ATP6V1C2: variants seen among roughly 807,000 people sequenced by gnomAD.
ATP6V1C2 encodes the protein V-type proton ATPase subunit C 2.
Under a neutral mutation model 56.8 loss-of-function variants are expected in ATP6V1C2, and 45 were observed. That is an observed-to-expected ratio of 0.79 (90% CI 0.62 to 1.02). The LOEUF is 1.02. ATP6V1C2 is among the 50% of genes least tolerant of loss of function. The pLI, the probability that ATP6V1C2 is intolerant of heterozygous loss-of-function variation, is 0.00. For missense variants in ATP6V1C2, 463 were observed against 519.7 expected (o/e 0.89, Z 1.06); for synonymous variants, 220 against 201.3 (o/e 1.09, Z -0.79).
intron 3 of ATP6V1C2, among the ~76,000 whole-genome samples, chr2:10,743,167 A>G (rs974460673): frequency 6.6e-6 from 1 of 152,096 alleles, no homozygotes; most frequent in Non-Finnish European, 1.5e-5. Flanking sequence ...CCCAGGCTGG[A>G]CTGCAGTGAT....
intron 5 of ATP6V1C2, 139 bp from the exon 6 acceptor site, chr2:10,768,580 T>C: frequency 1.4e-6 from 1 of 698,116 alleles, no homozygotes. Flanking sequence ...CAAATGCTGG[T>C]AAACAGAAGC....
At chr2:10,773,091 T>C (rs1293771639) in intron 8 of ATP6V1C2, among the ~76,000 whole-genome samples, 1 of 152,156 alleles carries the variant, frequency 6.6e-6, no homozygotes, top group East Asian at 1.9e-4. Context: ...GGTTACAGAC[T>C]GTCCATCACG....
chr2:10,730,786 G>A (rs1661908378), intron 3 of ATP6V1C2, among the ~76,000 whole-genome samples: 1 of 151,834 alleles, frequency 6.6e-6, no homozygotes, highest in South Asian at 2.1e-4. Flanking sequence ...CCGAGTAGCT[G>A]GGATTACAGG....
chr2:10,721,110 G>A (rs781619852), upstream of ATP6V1C2, among the ~76,000 whole-genome samples: 41 of 152,148 alleles, frequency 2.7e-4, no homozygotes, highest in Non-Finnish European at 5.1e-4. Context: ...ACACGGACAG[G>A]AAAAGCTTCG....
chr2:10,748,204 C>T (rs1041381617), intron 3 of ATP6V1C2, among the ~76,000 whole-genome samples: 1 of 152,158 alleles, frequency 6.6e-6, no homozygotes, highest in South Asian at 2.1e-4. Context: ...TCTTTTTGAC[C>T]TTGATGGCTC....
In ATP6V1C2 at chr2:10,783,111, C is replaced by A. The variant is rs142675881; in HGVS notation, c.1195-63C>A. The A allele has an allele frequency of 7.6e-4, 1,045 of 1,381,124 alleles. 8 individuals carry two copies. The African/African-American group carries it at 0.013, about 18-fold the overall frequency. The allele number at this position is 1,381,124 out of a possible 1,614,324, so 85.6% of individuals were successfully genotyped here. A position where few individuals can be genotyped will look rare whatever the true frequency, so the allele number is the denominator to read the frequency against. On this transcript the variant is annotated intron_variant, in intron 13 of 13. Coordinates refer to ENST00000272238, the MANE Select transcript of ATP6V1C2 (RefSeq NM_001039362.2). ...CAGTGCCTGGCGAGCTTCCTCAAAACTAAAAGGATAAGACAGGAAACTAGT... is the reference window on the plus strand; with the variant it reads ...CAGTGCCTGGCGAGCTTCCTCAAAAATAAAAGGATAAGACAGGAAACTAGT...
In ATP6V1C2 at chr2:10,784,704, A is replaced by G. The variant is rs1221248873; in HGVS notation, c.*1441A>G. ...CTTTAAGGTAATAATCAGGAAAGCA[A>G]CCTTACTACTGAAATGTATCTTGGC... is the stretch of plus-strand genomic sequence containing the variant. On this transcript the variant is annotated 3_prime_UTR_variant, in exon 14 of 14. Transcript: ENST00000272238. The G allele has an allele frequency of 3.7e-6, 2 of 542,538 alleles. No individual in the cohort carries two copies. The highest frequency in any genetic ancestry group is 6.0e-5 in the East Asian group (2 of 33,150). The allele number at this position is 542,538 out of a possible 1,614,324, so 33.6% of individuals were successfully genotyped here. A position where few individuals can be genotyped will look rare whatever the true frequency, so the allele number is the denominator to read the frequency against.
intron 4 of ATP6V1C2, among the ~76,000 whole-genome samples, 165 bp downstream of exon 4, chr2:10,754,231 A>ATAT (rs1055750994): frequency 1.3e-5 from 2 of 151,126 alleles, no homozygotes; most frequent in African/African-American, 4.9e-5. Flanking sequence ...TTATTTATTT[A>ATAT]TATTATTATT....
Position 10,753,969 on chromosome 2 carries a change from C to G in ATP6V1C2, c.198-12C>G. 1 of 1,594,644 alleles carries G rather than the reference C, an allele frequency of 6.3e-7. No individual in the cohort carries two copies. Reference sequence around the variant, plus strand: ...CCTACTCTAACCGGCTCTTTTTCTTCTCTCTCCAAAGCCTCATAAGGAGAA... The same window carrying G: ...CCTACTCTAACCGGCTCTTTTTCTTGTCTCTCCAAAGCCTCATAAGGAGAA... On this transcript the variant is annotated splice_polypyrimidine_tract_variant and intron_variant, in intron 3 of 13. Transcript: ENST00000272238.
chr2:10,757,161 C>T (rs987900063), intron 4 of ATP6V1C2, among the ~76,000 whole-genome samples: 1 of 151,866 alleles, frequency 6.6e-6, no homozygotes, highest in African/African-American at 2.4e-5. Context: ...TACAGGCACC[C>T]GCCACCACAC....
chr2:10,779,703 A>C (rs1042264328), intron 12 of ATP6V1C2, among the ~76,000 whole-genome samples: 9 of 150,612 alleles, frequency 6.0e-5, no homozygotes, highest in East Asian at 2.0e-4. Context: ...AAAAAAAAAA[A>C]AAAACTTCAC....
intron 4 of ATP6V1C2, among the ~76,000 whole-genome samples, chr2:10,759,056 T>C (rs2148469543): frequency 6.6e-6 from 1 of 152,332 alleles, no homozygotes; most frequent in East Asian, 1.9e-4. Context: ...CATGAACTAG[T>C]GATTGACAGG....
intron 10 of ATP6V1C2, among the ~76,000 whole-genome samples, chr2:10,776,951 TG>T (rs1665030840): frequency 6.6e-6 from 1 of 152,224 alleles, no homozygotes. Context: ...CCTGAGAATC[TG>T]GCCCCCTCTG....
chr2:10,722,671 A>G, intron 1 of ATP6V1C2, 153 bp from the exon 2 acceptor site: 1 of 778,742 alleles, frequency 1.3e-6, no homozygotes, highest in South Asian at 2.0e-5. Context: ...AGGGCTGCCC[A>G]GGTGGAGATA....
chr2:10,761,805 A>G (rs1164560954), intron 4 of ATP6V1C2, among the ~76,000 whole-genome samples: 1 of 152,220 alleles, frequency 6.6e-6, no homozygotes, highest in African/African-American at 2.4e-5. Context: ...TTAGTGCCTC[A>G]GAGGTACTCT....
intron 4 of ATP6V1C2, among the ~76,000 whole-genome samples, chr2:10,757,916 G>GTCTT (rs1333445500): frequency 6.6e-6 from 1 of 152,210 alleles, no homozygotes; most frequent in African/African-American, 2.4e-5. Context: ...GCCCAAACAG[G>GTCTT]TCTTTCCTTG....
At chr2:10,773,907 T>C (rs748748435) in intron 8 of ATP6V1C2, among the ~76,000 whole-genome samples, 3 of 151,804 alleles carry the variant, frequency 2.0e-5, no homozygotes, top group Non-Finnish European at 4.4e-5. Context: ...AACAGGACAA[T>C]CACAGCCCGA....
In ATP6V1C2 at chr2:10,768,794, C is replaced by T; in HGVS notation, c.454C>T (p.Leu152=). The T allele has an allele frequency of 6.2e-7, 1 of 1,613,886 alleles. No homozygotes were observed. Among genetic ancestry groups the T allele is most frequent in the Admixed American group, 1.7e-5 (1 of 60,034 alleles). The part of the protein sequence containing the change: ...YNTLKTNLEN[L]EKKSMGNLFT... The stretch of plus-strand genomic sequence containing the variant: ...CACTCTGAAGACAAACCTGGAGAAC[C>T]TGGAAAAGAAATCCATGTGTGTATT... Residue 152 remains leucine, a synonymous_variant, in exon 6 of 14, where the codon CTG becomes TTG. Coordinates refer to ENST00000272238, the MANE Select transcript of ATP6V1C2 (RefSeq NM_001039362.2).
At chr2:10,754,542 ATTTTC>A (rs141329846) in intron 4 of ATP6V1C2, among the ~76,000 whole-genome samples, 46 of 145,284 alleles carry the variant, frequency 3.2e-4, no homozygotes, top group African/African-American at 1.1e-3. Flanking sequence ...TATTATGATA[ATTTTC>A]TTTTCTTTTC....
Sources: allele counts gnomAD v4.1 joint callset (sites outside exome capture counted in the v4.1 genomes callset), GRCh38; gene constraint gnomAD v4.1.1; transcripts MANE v1.5; gene names NCBI Gene and HGNC (gene_info 2026-07-23, HGNC 2026-07-21).